The following CNTNAP2 variants were observed in gnomAD, a reference collection of about 807,000 sequenced individuals.
The protein encoded by CNTNAP2 is contactin-associated protein-like 2.
Under a neutral mutation model 155.2 loss-of-function variants are expected in CNTNAP2, and 98 were observed. The observed-to-expected ratio is 0.63, with a 90% confidence interval of 0.54 to 0.75. CNTNAP2 has a LOEUF of 0.75. Among genes scored for constraint, CNTNAP2 ranks in the 30% least tolerant of loss-of-function variants. The probability of loss-of-function intolerance (pLI) is 0.00; values close to 1 mark genes in which losing one functional copy is unlikely to be tolerated. For missense variants in CNTNAP2, 1,727 were observed against 1,688.1 expected (o/e 1.02, Z -0.40); for synonymous variants, 651 against 631.2 (o/e 1.03, Z -0.47).
intron 17 of CNTNAP2, among the ~76,000 whole-genome samples, chr7:148,151,683 G>C (rs1198814777): frequency 1.3e-5 from 2 of 151,910 alleles, no homozygotes; most frequent in Non-Finnish European, 2.9e-5. Flanking sequence ...CCATGTAATA[G>C]TTACCCTTCT....
chr7:146,877,232 T>G (rs1795446981), intron 3 of CNTNAP2, among the ~76,000 whole-genome samples: 1 of 152,136 alleles, frequency 6.6e-6, no homozygotes, highest in East Asian at 1.9e-4. Context: ...CCAGGCATGA[T>G]GGCTTTTGCC....
intron 2 of CNTNAP2, among the ~76,000 whole-genome samples, chr7:146,827,400 G>A (rs1266813154): frequency 1.3e-5 from 2 of 151,638 alleles, no homozygotes; most frequent in African/African-American, 4.8e-5. Context: ...TATCACTATT[G>A]TATGTTTGAG....
At chr7:147,113,052 C>T (rs1169841132) in intron 5 of CNTNAP2, among the ~76,000 whole-genome samples, 5 of 151,954 alleles carry the variant, frequency 3.3e-5, no homozygotes, top group Non-Finnish European at 7.4e-5. Context: ...TTATTACTGC[C>T]TCAATTTCAG....
intron 13 of CNTNAP2, among the ~76,000 whole-genome samples, chr7:147,883,709 C>G (rs1336702059): frequency 6.6e-6 from 1 of 151,990 alleles, no homozygotes; most frequent in Non-Finnish European, 1.5e-5. Context: ...ACCGAAACAC[C>G]AGAATTCAAA....
rs1386514605 is a variant in CNTNAP2, at chr7:147,475,935, A to T, written c.1671-10000A>T. ...TATAAGTCTTTGTATTTATTTCTGG[A>T]TTTTTAATTCTATTCTATTGATCTA... is the stretch of plus-strand genomic sequence containing the variant. On this transcript the variant is annotated intron_variant, in intron 10 of 23. Transcript: ENST00000361727. 2.0e-5 allele frequency among the ~76,000 whole-genome samples: 3 copies of T among 152,006 alleles called. No individual in the cohort carries two copies. The East Asian group carries it at 5.8e-4, about 29-fold the overall frequency.
rs540730720 is a variant in CNTNAP2 at position 148,396,341 on chromosome 7, G to A, written c.3715+12453G>A. Among the ~76,000 whole-genome samples, 4 of 152,160 alleles carry A rather than the reference G, an allele frequency of 2.6e-5. No individual in the cohort carries two copies. In the South Asian group the frequency reaches 6.2e-4, roughly 24 times the overall value. On this transcript the variant is annotated intron_variant, in intron 22 of 23. Transcript: ENST00000361727. Reference sequence around the variant, plus strand: ...CCATTCAGATGCTTCCTACTGTACCGCATTTTTGAGTATTCTTCAGTATCA... The same window carrying A: ...CCATTCAGATGCTTCCTACTGTACCACATTTTTGAGTATTCTTCAGTATCA...
intron 1 of CNTNAP2, among the ~76,000 whole-genome samples, chr7:146,414,684 G>T (rs934381914): frequency 6.6e-6 from 1 of 152,094 alleles, no homozygotes; most frequent in African/African-American, 2.4e-5. Flanking sequence ...TCAGTTGTGG[G>T]GTATTGTGGC....
At chr7:147,129,743 G>T (rs768431923) in intron 7 of CNTNAP2, among the ~76,000 whole-genome samples, 7 of 152,116 alleles carry the variant, frequency 4.6e-5, no homozygotes, top group African/African-American at 1.7e-4. Context: ...TTCATAAAAT[G>T]ATTTGACAAA....
chr7:147,817,083 C>G (rs1798277075), intron 13 of CNTNAP2, among the ~76,000 whole-genome samples: 1 of 151,924 alleles, frequency 6.6e-6, no homozygotes, highest in African/African-American at 2.4e-5. Context: ...CACAATGAAA[C>G]AAACAGAGAA....
At chr7:147,568,090 A>C (rs771188337) in intron 12 of CNTNAP2, among the ~76,000 whole-genome samples, 15 of 152,216 alleles carry the variant, frequency 9.9e-5, no homozygotes, top group Non-Finnish European at 1.9e-4. Flanking sequence ...CGTCTCAAAA[A>C]ATAAATAAAT....
intron 21 of CNTNAP2, among the ~76,000 whole-genome samples, chr7:148,325,197 T>C (rs13229049): frequency 0.33 from 50,261 of 152,178 alleles, 9,053 homozygotes; most frequent in East Asian, 0.51. Context: ...AGCAGTAATA[T>C]AGAATCTCCT....
chr7:147,752,662 A>T (rs1163056966), intron 13 of CNTNAP2, among the ~76,000 whole-genome samples: 2 of 152,164 alleles, frequency 1.3e-5, no homozygotes, highest in African/African-American at 4.8e-5. Flanking sequence ...GCTGCTTTGT[A>T]ATTAAACTGG....
chr7:147,969,598 C>T (rs1434351742), intron 14 of CNTNAP2, among the ~76,000 whole-genome samples: 1 of 152,032 alleles, frequency 6.6e-6, no homozygotes, highest in Non-Finnish European at 1.5e-5. Flanking sequence ...GGTTTGTCAC[C>T]TTTTTCTCTG....
intron 3 of CNTNAP2, among the ~76,000 whole-genome samples, chr7:146,992,185 T>C (rs1384339589): frequency 6.6e-6 from 1 of 152,176 alleles, no homozygotes; most frequent in Non-Finnish European, 1.5e-5. Flanking sequence ...TGTGTATTGT[T>C]ATAGTTTCAT....
chr7:147,870,006 T>C (rs912175747), intron 13 of CNTNAP2, among the ~76,000 whole-genome samples: 4 of 152,184 alleles, frequency 2.6e-5, no homozygotes, highest in African/African-American at 9.7e-5. Context: ...TCCTATAAGA[T>C]GGACATTATT....
At position 146,937,909 on chromosome 7, in the gene CNTNAP2, A is replaced by G. The variant is rs373352806; in HGVS notation, c.402+98005A>G. ...TATAGAGACAAAGTTTAAGGAAGCT[A>G]AAAAGAATTTCAACATCTTTCTGTA... On this transcript the variant is annotated intron_variant, in intron 3 of 23. Transcript: ENST00000361727. 3.9e-5 allele frequency among the ~76,000 whole-genome samples: 6 copies of G among 152,304 alleles called. No individual in the cohort carries two copies. The East Asian group carries it at 1.2e-3, about 29-fold the overall frequency.
intron 13 of CNTNAP2, among the ~76,000 whole-genome samples, chr7:147,738,358 C>T (rs980558303): frequency 6.6e-6 from 1 of 151,954 alleles, no homozygotes; most frequent in African/African-American, 2.4e-5. Context: ...TCACACATTA[C>T]AGAAAAATAT....
At chr7:147,324,467 G>GT (rs1795414223) in intron 9 of CNTNAP2, among the ~76,000 whole-genome samples, 1 of 152,108 alleles carries the variant, frequency 6.6e-6, no homozygotes, top group Non-Finnish European at 1.5e-5. Context: ...TCAGCCTTAT[G>GT]TTTTCATCTC....
chr7:146,157,343 A>T (rs1798142456), intron 1 of CNTNAP2, among the ~76,000 whole-genome samples: 1 of 152,328 alleles, frequency 6.6e-6, no homozygotes, highest in South Asian at 2.1e-4. Context: ...GCAACGCAGA[A>T]GATGGGTGAT....
Sources: allele counts gnomAD v4.1 joint callset (sites outside exome capture counted in the v4.1 genomes callset), GRCh38; gene constraint gnomAD v4.1.1; transcripts MANE v1.5; gene names NCBI Gene and HGNC (gene_info 2026-07-23, HGNC 2026-07-21).